The following UBLCP1 variants were observed in gnomAD, a reference collection of about 807,000 sequenced individuals.
UBLCP1 encodes the protein ubiquitin like domain containing CTD phosphatase 1.
Under a neutral mutation model 42.4 loss-of-function variants are expected in UBLCP1, and 28 were observed. That is an observed-to-expected ratio of 0.66 (90% CI 0.49 to 0.90). UBLCP1 has a LOEUF of 0.90. UBLCP1 is among the 40% of genes least tolerant of loss of function. The pLI is 0.00. For synonymous variants in UBLCP1, 122 were observed against 120.8 expected (o/e 1.01, Z -0.07); for missense variants, 279 against 374.5 (o/e 0.75, Z 2.10).
intron 1 of UBLCP1, among the ~76,000 whole-genome samples, chr5:159,265,776 T>G (rs1753382615): frequency 6.6e-6 from 1 of 152,210 alleles, no homozygotes; most frequent in Admixed American, 6.5e-5. Flanking sequence ...GCCATGATTC[T>G]GAGGCCTCCC....
chr5:159,266,275 G>A (rs1244689448), intron 1 of UBLCP1, among the ~76,000 whole-genome samples: 1 of 152,200 alleles, frequency 6.6e-6, no homozygotes, highest in African/African-American at 2.4e-5. Context: ...GGGAACTGGA[G>A]TAAAAGTGAC....
rs1338561586 is a variant in UBLCP1, at chr5:159,283,253, CAAAG to C, written c.846_849del (p.Lys282AsnfsTer3). 1 of 1,605,854 alleles carries C rather than the reference CAAAG, an allele frequency of 6.2e-7. No individual in the cohort carries two copies. On this transcript the variant is annotated frameshift_variant, in exon 10 of 11. Transcript: ENST00000296786. LOFTEE classifies it high-confidence loss of function. ...AAGCGCACCTAAATCGTGATAAAGA[CAAAG>C]AACTTTTAAAATTAACTCAGTACCT...
chr5:159,269,157 T>C (rs1753434148), intron 2 of UBLCP1, 88 bp downstream of exon 2: 3 of 977,868 alleles, frequency 3.1e-6, no homozygotes, highest in Non-Finnish European at 4.2e-6. Context: ...TGTTTAATAA[T>C]TTATACTTGC....
At chr5:159,280,367 A>G (rs1263025797) in intron 9 of UBLCP1, among the ~76,000 whole-genome samples, 1 of 152,192 alleles carries the variant, frequency 6.6e-6, no homozygotes, top group East Asian at 1.9e-4. Context: ...CAGTGGCATG[A>G]TCAGAGCTCA....
At chr5:159,282,727 G>A (rs1173256416) in intron 9 of UBLCP1, among the ~76,000 whole-genome samples, 1 of 151,800 alleles carries the variant, frequency 6.6e-6, no homozygotes, top group African/African-American at 2.4e-5. Context: ...AAATGTAGGA[G>A]GAAACAGGTT....
chr5:159,269,194 T>A, intron 2 of UBLCP1, 125 bp downstream of exon 2: 2 of 637,238 alleles, frequency 3.1e-6, no homozygotes, highest in Non-Finnish European at 2.3e-6. Context: ...AGTCTCTCCC[T>A]TTCGAGATTT....
At chr5:159,266,347 A>T (rs1245563314) in intron 1 of UBLCP1, among the ~76,000 whole-genome samples, 1 of 152,214 alleles carries the variant, frequency 6.6e-6, no homozygotes, top group African/African-American at 2.4e-5. Context: ...GATTTGTGGA[A>T]CTTTGAACTT....
At chr5:159,267,490 G>T (rs898979292) in intron 1 of UBLCP1, among the ~76,000 whole-genome samples, 1 of 152,204 alleles carries the variant, frequency 6.6e-6, no homozygotes, top group African/African-American at 2.4e-5. Context: ...ACTTTGGACT[G>T]TGGACTTTTG....
rs1448953996 is a variant in UBLCP1 at position 159,271,939 on chromosome 5, A to G, written c.449-84A>G. 5 of 914,412 alleles carry G rather than the reference A, an allele frequency of 5.5e-6. No individual in the cohort carries two copies. The East Asian group carries it at 1.0e-4, about 19-fold the overall frequency. The allele number at this position is 914,412 out of a possible 1,614,324, so 56.6% of individuals were successfully genotyped here. A position where few individuals can be genotyped will look rare whatever the true frequency, so the allele number is the denominator to read the frequency against. ...GAAATGTTTATGTTTGCATTTCGTA[A>G]TATATTACATTTAATAATAATTGGT... On this transcript the variant is annotated intron_variant, in intron 5 of 10. Transcript: ENST00000296786.
chr5:159,274,656 T>G (rs1468824873), intron 7 of UBLCP1, 34 bp downstream of exon 7: 1 of 1,578,530 alleles, frequency 6.3e-7, no homozygotes, highest in Admixed American at 1.7e-5. Context: ...TTAAAAATAT[T>G]TTCAAACTGC....
chr5:159,284,279 TAGGAAC>T (rs1346847445), intron 10 of UBLCP1, among the ~76,000 whole-genome samples: 1 of 152,170 alleles, frequency 6.6e-6, no homozygotes, highest in Non-Finnish European at 1.5e-5. Context: ...TTGCTGATTT[TAGGAAC>T]TCTTTCCCCA....
At chr5:159,269,266 C>T (rs927150896) in intron 2 of UBLCP1, among the ~76,000 whole-genome samples, 197 bp downstream of exon 2, 1 of 152,082 alleles carries the variant, frequency 6.6e-6, no homozygotes. Flanking sequence ...AAAGTGTTCT[C>T]GAAAATACCA....
Position 159,285,196 on chromosome 5 carries a change from C to CACACA in UBLCP1, c.*265_*266insACACA, listed in dbSNP as rs1753658186. On this transcript the variant is annotated 3_prime_UTR_variant, in exon 11 of 11. Coordinates refer to ENST00000296786, the MANE Select transcript of UBLCP1 (RefSeq NM_145049.5). ...GGTTACTGACCACCCCACCCTCCCA[C>CACACA]CACACACACACACACACACACACAC... 2.0e-5 allele frequency: 5 copies of CACACA among 251,948 alleles called. No homozygotes were observed. The highest frequency in any genetic ancestry group is 6.4e-5 in the Admixed American group (1 of 15,732). 15.6% of individuals were successfully genotyped at this position (251,948 alleles called of 1,614,324 possible). A position where few individuals can be genotyped will look rare whatever the true frequency, so the allele number is the denominator to read the frequency against.
At chr5:159,265,106 C>G (rs1753368650) in intron 1 of UBLCP1, among the ~76,000 whole-genome samples, 1 of 152,132 alleles carries the variant, frequency 6.6e-6, no homozygotes, top group Admixed American at 6.5e-5. Context: ...TTCAGTAGAA[C>G]ACATTGTAAA....
chr5:159,271,220 G>C (rs1018284574), intron 5 of UBLCP1, among the ~76,000 whole-genome samples: 1 of 152,094 alleles, frequency 6.6e-6, no homozygotes, highest in Admixed American at 6.6e-5. Flanking sequence ...TGGCACTTTG[G>C]AAGGCTGAGG....
chr5:159,284,754 G>A (rs996957486), intron 10 of UBLCP1, 150 bp from the exon 11 acceptor site: 11 of 768,148 alleles, frequency 1.4e-5, no homozygotes, highest in African/African-American at 5.2e-5. Flanking sequence ...AGAACTGTGC[G>A]TGCACATAAT....
intron 6 of UBLCP1, among the ~76,000 whole-genome samples, chr5:159,272,899 A>G (rs1584739170): frequency 6.6e-6 from 1 of 152,226 alleles, no homozygotes; most frequent in South Asian, 2.1e-4. Context: ...AAATGAAGCA[A>G]TGCATTGATT....
chr5:159,282,920 G>T (rs1243007972), intron 9 of UBLCP1, among the ~76,000 whole-genome samples: 1 of 152,034 alleles, frequency 6.6e-6, no homozygotes, highest in African/African-American at 2.4e-5. Context: ...AGGCGGGAAA[G>T]GCTAAGTAGT....
At chr5:159,283,786 T>A (rs142743829) in intron 10 of UBLCP1, among the ~76,000 whole-genome samples, 1 of 152,122 alleles carries the variant, frequency 6.6e-6, no homozygotes, top group African/African-American at 2.4e-5. Context: ...TAGAAAAGTT[T>A]ATCCTACTAA....
Sources: gnomAD v4.1 joint callset for allele counts (sites outside exome capture counted in the v4.1 genomes callset) on GRCh38, gnomAD v4.1.1 for gene constraint, MANE v1.5 for transcripts, NCBI Gene and HGNC (gene_info 2026-07-23, HGNC 2026-07-21) for gene names.